The following SLTM variants were observed in gnomAD, a reference collection of about 807,000 sequenced individuals.
SLTM encodes SAFB-like transcription modulator.
A neutral mutation model predicts 134.6 loss-of-function variants in SLTM; 43 were observed. The observed-to-expected ratio is 0.32, with a 90% CI of 0.25 to 0.41. The LOEUF (loss-of-function observed/expected upper bound fraction) is 0.41, where lower values mean the gene tolerates loss of function less well. SLTM is among the 10% of genes least tolerant of loss of function. SLTM has a pLI of 1.00. For missense variants in SLTM, 1,055 were observed against 1,288.8 expected (o/e 0.82, Z 2.78); for synonymous variants, 424 against 432.3 (o/e 0.98, Z 0.24).
At chr15:58,927,779 C>T (rs1303092530) in intron 2 of SLTM, among the ~76,000 whole-genome samples, 1 of 152,190 alleles carries the variant, frequency 6.6e-6, no homozygotes, top group Non-Finnish European at 1.5e-5. Context: ...CGCCCAAAGT[C>T]CTCCTCAATG....
At chr15:58,888,117 C>T (rs953587814) in intron 17 of SLTM, among the ~76,000 whole-genome samples, 5 of 151,976 alleles carry the variant, frequency 3.3e-5, no homozygotes, top group African/African-American at 7.3e-5. Context: ...TGCACCACTG[C>T]GTTCTAGCCT....
intron 2 of SLTM, among the ~76,000 whole-genome samples, chr15:58,919,508 G>A (rs1825315458): frequency 6.6e-6 from 1 of 152,008 alleles, no homozygotes; most frequent in Admixed American, 6.6e-5. Flanking sequence ...GCTGAGGTGG[G>A]AGGACTGCTT....
At position 58,916,898 on chromosome 15, in the gene SLTM, A is replaced by G. The variant is rs772268955; in HGVS notation, c.315+37T>C. On this transcript the variant is annotated intron_variant, in intron 3 of 20. Coordinates refer to ENST00000380516, the MANE Select transcript of SLTM (RefSeq NM_024755.4). ...ATTCATGATGCAAAATACTAGGCTT[A>G]AAATAAGCATCTTAACCTGAGTAAT... The G allele has an allele frequency of 2.0e-5, 32 of 1,581,782 alleles. No individual in the cohort carries two copies. In the East Asian group the frequency reaches 4.3e-4, roughly 21 times the overall value.
chr15:58,888,490 T>C lies in SLTM; in HGVS notation c.2270A>G (p.His757Arg), dbSNP rs764012833. ...LSLDTDARFG[H>R]GSDYSRQQNR... is the part of the protein sequence containing the mutation. The stretch of plus-strand genomic sequence containing the variant: ...CTGTTGGCGAGAGTAGTCGGATCCA[T>C]GGCCAAATCGTGCATCTGTATCTAG... The change falls in exon 17 of 21, where the codon CAT (histidine) becomes CGT (arginine). Residue 757 changes from histidine (H) to arginine (R), a missense_variant. His to Arg is a conservative substitution (Grantham distance 29). Around this residue, in one of 3 missense-constraint regions of SLTM, gnomAD observed 776 missense variants for 962.2 expected, o/e 0.81. Transcript: ENST00000380516. 24 of 1,614,038 alleles carry C rather than the reference T, an allele frequency of 1.5e-5. No individual in the cohort carries two copies. The South Asian group carries it at 2.3e-4, about 16-fold the overall frequency.
At chr15:58,887,199 G>A (rs755490439) in intron 18 of SLTM, 27 bp downstream of exon 18, 19 of 1,611,634 alleles carry the variant, frequency 1.2e-5, no homozygotes, top group Non-Finnish European at 1.6e-5. Flanking sequence ...GAGACCACTA[G>A]GAAAGCATTA....
Position 58,890,365 on chromosome 15 carries a change from C to T in SLTM, c.1995G>A (p.Glu665=), listed in dbSNP as rs769684222. ...EERERLQRER[E]RLEIERQKLE... ...GTTTTTGCCTTTCAATTTCTAGGCGCTCTCTCTCTCTCTGTAAGCGTTCCC... is the reference window on the plus strand; with the variant it reads ...GTTTTTGCCTTTCAATTTCTAGGCGTTCTCTCTCTCTCTGTAAGCGTTCCC... Residue 665 remains glutamate (E), a synonymous_variant, in exon 15 of 21, where the codon GAG becomes GAA. Coordinates refer to ENST00000380516, the MANE Select transcript of SLTM (RefSeq NM_024755.4). The T allele has an allele frequency of 2.3e-5, 36 of 1,570,556 alleles. No homozygotes were observed. The highest frequency in any genetic ancestry group is 2.8e-5 in the Non-Finnish European group (32 of 1,149,638).
rs74017309 is a variant in SLTM at position 58,909,626 on chromosome 15, G to T, written c.561+2937C>A. ...TGGTACCATCACAAAAAGACAACCAGATATTATGTGCATCCAAATAGAAGA... is the reference window on the plus strand; with the variant it reads ...TGGTACCATCACAAAAAGACAACCATATATTATGTGCATCCAAATAGAAGA... On this transcript the variant is annotated intron_variant, in intron 5 of 20. Transcript: ENST00000380516. Among the ~76,000 whole-genome samples the T allele has an allele frequency of 3.9e-3, 593 of 152,308 alleles. 3 individuals are homozygous for T. Among genetic ancestry groups the T allele is most frequent in the African/African-American group, 0.013 (552 of 41,564 alleles).
chr15:58,912,345 C>T (rs969393151), intron 5 of SLTM, among the ~76,000 whole-genome samples: 4 of 152,064 alleles, frequency 2.6e-5, no homozygotes, highest in African/African-American at 7.2e-5. Context: ...GTGAACCGCC[C>T]GCCTCGGCCT....
At chr15:58,912,464 C>T (rs1350922693) in intron 5 of SLTM, 99 bp downstream of exon 5, 20 of 1,047,618 alleles carry the variant, frequency 1.9e-5, no homozygotes, top group Non-Finnish European at 2.7e-5. Context: ...AAATTTAAGA[C>T]AGTTATATGA....
intron 3 of SLTM, among the ~76,000 whole-genome samples, chr15:58,916,178 C>T (rs79324926): frequency 8.7e-5 from 12 of 138,680 alleles, no homozygotes; most frequent in African/African-American, 1.3e-4. Context: ...CTCTCTCTCT[C>T]TTTTTTTTTT....
At chr15:58,893,681 C>T in intron 12 of SLTM, 140 bp downstream of exon 12, 1 of 840,492 alleles carries the variant, frequency 1.2e-6, no homozygotes, top group Non-Finnish European at 1.8e-6. Flanking sequence ...GACAATTACT[C>T]CTACTAGACC....
chr15:58,897,060 C>A, intron 9 of SLTM, 55 bp downstream of exon 9: 2 of 996,318 alleles, frequency 2.0e-6, no homozygotes, highest in African/African-American at 3.2e-5. Flanking sequence ...AGAATACAAT[C>A]CTCATTTCAA....
intron 16 of SLTM, 179 bp downstream of exon 16, chr15:58,889,249 AAC>A (rs2034474988): frequency 1.6e-6 from 1 of 625,620 alleles, no homozygotes; most frequent in Non-Finnish European, 2.6e-6. Flanking sequence ...CAGGGAAAGA[AAC>A]ACAGACTGTT....
At chr15:58,889,384 A>C in intron 16 of SLTM, 46 bp downstream of exon 16, 1 of 1,609,052 alleles carries the variant, frequency 6.2e-7, no homozygotes, top group Non-Finnish European at 8.5e-7. Flanking sequence ...GCCTAAAGGG[A>C]ATAAAACAGC....
chr15:58,895,064 C>A (rs1425188122), intron 9 of SLTM, among the ~76,000 whole-genome samples: 1 of 152,112 alleles, frequency 6.6e-6, no homozygotes, highest in East Asian at 1.9e-4. Context: ...TTCAGGGGAA[C>A]AATTTAAAGT....
intron 2 of SLTM, among the ~76,000 whole-genome samples, chr15:58,925,786 G>C (rs1472811534): frequency 6.6e-6 from 1 of 152,180 alleles, no homozygotes; most frequent in African/African-American, 2.4e-5. Context: ...CCTTCAGGCA[G>C]GTGTGCCTAC....
intron 20 of SLTM, among the ~76,000 whole-genome samples, chr15:58,881,147 T>C (rs2033672790): frequency 6.6e-6 from 1 of 151,726 alleles, no homozygotes; most frequent in Non-Finnish European, 1.5e-5. Flanking sequence ...TGAGCTGAGA[T>C]CATGCCAATG....
chr15:58,883,570 A>T (rs912894008), intron 20 of SLTM, 56 bp downstream of exon 20: 9 of 1,599,222 alleles, frequency 5.6e-6, no homozygotes, highest in Non-Finnish European at 7.7e-6. Context: ...AATGACTTTT[A>T]TGGAAAGGAT....
intron 9 of SLTM, among the ~76,000 whole-genome samples, 163 bp from the exon 10 acceptor site, chr15:58,894,745 C>T (rs577929769): frequency 1.4e-5 from 2 of 143,292 alleles, no homozygotes; most frequent in African/African-American, 2.5e-5. Context: ...CACTCTGTCA[C>T]GCAGGCTGGA....
Sources: gnomAD v4.1 joint callset for allele counts (sites outside exome capture counted in the v4.1 genomes callset) on GRCh38, gnomAD v4.1.1 for gene constraint, gnomAD v4.1.1 regional missense constraint, MANE v1.5 for transcripts, NCBI Gene and HGNC (gene_info 2026-07-23, HGNC 2026-07-21) for gene names.